Variants in RASGEF1A observed in about 807,000 individuals in gnomAD.
The protein encoded by RASGEF1A is RasGEF domain family member 1A.
Under a neutral mutation model 56.4 loss-of-function variants are expected in RASGEF1A, and 18 were observed. The ratio of observed to expected loss-of-function variants is 0.32; its 90% CI spans 0.22 to 0.47. The LOEUF (loss-of-function observed/expected upper bound fraction) is 0.47, where lower values mean the gene tolerates loss of function less well. Ranked by LOEUF, RASGEF1A falls within the 20% of genes least tolerant of loss-of-function variation. The probability of loss-of-function intolerance (pLI) is 1.00; values close to 1 mark genes in which losing one functional copy is unlikely to be tolerated. For missense variants in RASGEF1A, 422 were observed against 627.1 expected (o/e 0.67, Z 3.49); for synonymous variants, 245 against 242.6 (o/e 1.01, Z -0.09).
At chr10:43,238,484 G>A (rs1399158741) in intron 1 of RASGEF1A, among the ~76,000 whole-genome samples, 1 of 152,194 alleles carries the variant, frequency 6.6e-6, no homozygotes, top group East Asian at 1.9e-4. Context: ...TAAGTTTAGT[G>A]GGGGAAAGCC....
In RASGEF1A at chr10:43,208,745, C is replaced by A. The variant is rs995114394; in HGVS notation, c.-6-2623G>T. On this transcript the variant is annotated intron_variant, in intron 1 of 12. Transcript: ENST00000395810. ...GCAGGTCTGGGGGATGCCCCATGAG[C>A]CCCTACCCCCGAAAGCTCAAACCTA... The A allele has an allele frequency of 1.6e-5, 16 of 985,454 alleles. No individual in the cohort carries two copies. The South Asian group carries it at 3.8e-4, about 23-fold the overall frequency. 61.0% of individuals were successfully genotyped at this position (985,454 alleles called of 1,614,324 possible).
intron 1 of RASGEF1A, among the ~76,000 whole-genome samples, chr10:43,254,330 G>A (rs1055358721): frequency 4.6e-5 from 7 of 152,210 alleles, no homozygotes; most frequent in African/African-American, 7.2e-5. Flanking sequence ...CAGTGCTGGC[G>A]GCCTCCACTT....
At chr10:43,208,912 T>G (rs1179269143) in intron 1 of RASGEF1A, 1 of 985,482 alleles carries the variant, frequency 1.0e-6, no homozygotes, top group African/African-American at 1.7e-5. Context: ...TGTTCCTGGG[T>G]GCATCTGGCC....
rs138513005 is a variant in RASGEF1A at position 43,221,312 on chromosome 10, G to A, written c.-6-15190C>T. On this transcript the variant is annotated intron_variant, in intron 1 of 12. Coordinates refer to ENST00000395810, the MANE Select transcript of RASGEF1A (RefSeq NM_145313.4). ...CCATGAATTTGTAAGCATTTAATTG[G>A]CTGCTGAGTCATCCTGAAACCTCCC... is the stretch of plus-strand genomic sequence containing the variant. Among the ~76,000 whole-genome samples, 390 of 152,296 alleles carry A rather than the reference G, an allele frequency of 2.6e-3. 2 individuals carry two copies. Among genetic ancestry groups the A allele is most frequent in the African/African-American group, 8.4e-3 (350 of 41,560 alleles).
Position 43,196,561 on chromosome 10 carries a change from A to G in RASGEF1A, c.1349-13T>C. ...GCGACGAAGAGAGCTGAGAGATGGGAAAGTCCCTCAGAGCCTGTGTCCCCA... is the reference window on the plus strand; with the variant it reads ...GCGACGAAGAGAGCTGAGAGATGGGGAAGTCCCTCAGAGCCTGTGTCCCCA... On this transcript the variant is annotated splice_polypyrimidine_tract_variant and intron_variant, in intron 11 of 12. Coordinates refer to ENST00000395810, the MANE Select transcript of RASGEF1A (RefSeq NM_145313.4). This position sits in a 1 kb window ranked among gnomAD's most constrained non-coding sequence, Gnocchi z 4.6. 6.2e-7 allele frequency: 1 copy of G among 1,611,934 alleles called. No homozygotes were observed. The highest frequency in any genetic ancestry group is 8.5e-7 in the Non-Finnish European group (1 of 1,179,312).
chr10:43,207,680 T>C lies in RASGEF1A; in HGVS notation c.-6-1558A>G, dbSNP rs80076864. The C allele has an allele frequency of 7.4e-3, 7,314 of 985,474 alleles. 238 individuals are homozygous for C. In the East Asian group the frequency reaches 0.094, roughly 13 times the overall value. The allele number at this position is 985,474 out of a possible 1,614,324, so 61.0% of individuals were successfully genotyped here. A position where few individuals can be genotyped will look rare whatever the true frequency, so the allele number is the denominator to read the frequency against. On this transcript the variant is annotated intron_variant, in intron 1 of 12. Coordinates refer to ENST00000395810, the MANE Select transcript of RASGEF1A (RefSeq NM_145313.4). The stretch of plus-strand genomic sequence containing the variant: ...TGGCTCAGACTCATACAATGCTCCC[T>C]TCAAACTCAGGCCAGCAGCGGTGCC...
chr10:43,209,376 G>T (rs541613675), intron 1 of RASGEF1A, among the ~76,000 whole-genome samples: 16 of 152,194 alleles, frequency 1.1e-4, no homozygotes, highest in Non-Finnish European at 2.1e-4. Flanking sequence ...CAAGCAGCAG[G>T]GGTAGGCAGG....
chr10:43,196,585 C>T lies in RASGEF1A; in HGVS notation c.1349-37G>A, dbSNP rs767923718. 1.9e-6 allele frequency: 3 copies of T among 1,584,014 alleles called. No individual in the cohort carries two copies. The South Asian group carries it at 3.3e-5, about 17-fold the overall frequency. ...GAAAGTCCCTCAGAGCCTGTGTCCC[C>T]ATGCAGTGTCTGCCTGAACCCAGCT... On this transcript the variant is annotated intron_variant, in intron 11 of 12. Coordinates refer to ENST00000395810, the MANE Select transcript of RASGEF1A (RefSeq NM_145313.4). The surrounding 1 kb of genome is among the most constrained non-coding windows in gnomAD (Gnocchi z 4.6).
intron 1 of RASGEF1A, among the ~76,000 whole-genome samples, chr10:43,249,157 T>C (rs1840598797): frequency 6.6e-6 from 1 of 152,162 alleles, no homozygotes; most frequent in Non-Finnish European, 1.5e-5. Flanking sequence ...CCTGTGTCCA[T>C]CTGAGGAGCA....
intron 9 of RASGEF1A, 81 bp downstream of exon 9, chr10:43,198,852 C>G: frequency 7.6e-7 from 1 of 1,309,362 alleles, no homozygotes; most frequent in Non-Finnish European, 1.1e-6. Flanking sequence ...AGCCCCCCAC[C>G]CCCACTGTCA....
intron 1 of RASGEF1A, among the ~76,000 whole-genome samples, chr10:43,218,494 T>C (rs1840165420): frequency 6.6e-6 from 1 of 152,222 alleles, no homozygotes; most frequent in South Asian, 2.1e-4. Flanking sequence ...TCTCAACCCT[T>C]GTTCCCTCTG....
chr10:43,253,631 C>T (rs1218597544), intron 1 of RASGEF1A, among the ~76,000 whole-genome samples: 1 of 152,210 alleles, frequency 6.6e-6, no homozygotes, highest in Non-Finnish European at 1.5e-5. Context: ...GAGCCTCACA[C>T]AAGGCCCAGA....
intron 1 of RASGEF1A, among the ~76,000 whole-genome samples, chr10:43,231,836 TG>T (rs1221811238): frequency 2.6e-5 from 4 of 152,238 alleles, no homozygotes; most frequent in African/African-American, 9.6e-5. Context: ...CAGGGAGGGC[TG>T]GTGGGCCCTG....
At chr10:43,238,997 G>GGT in intron 1 of RASGEF1A, among the ~76,000 whole-genome samples, 1 of 152,306 alleles carries the variant, frequency 6.6e-6, no homozygotes, top group East Asian at 1.9e-4. Context: ...TCGAAGAAGG[G>GGT]GTATTATTCA....
intron 1 of RASGEF1A, among the ~76,000 whole-genome samples, chr10:43,234,901 C>T (rs994747245): frequency 1.3e-5 from 2 of 152,212 alleles, no homozygotes; most frequent in African/African-American, 4.8e-5. Context: ...GCCTCCTGCA[C>T]ACACAGCCAC....
intron 1 of RASGEF1A, among the ~76,000 whole-genome samples, chr10:43,225,259 G>GGA (rs1401215794): frequency 3.3e-5 from 3 of 90,544 alleles, no homozygotes; most frequent in African/African-American, 1.3e-4. Context: ...GGGGTCTGTG[G>GGA]GGGGGGGGTC....
intron 1 of RASGEF1A, among the ~76,000 whole-genome samples, chr10:43,242,863 C>T (rs965787879): frequency 7.2e-5 from 11 of 152,174 alleles, no homozygotes; most frequent in Non-Finnish European, 1.3e-4. Context: ...AGTGCAGTGG[C>T]GTGATCTCGG....
chr10:43,265,258 G>A (rs113958673), intron 1 of RASGEF1A, among the ~76,000 whole-genome samples: 4 of 152,354 alleles, frequency 2.6e-5, no homozygotes, highest in African/African-American at 9.6e-5. Context: ...CTGGCAGCTC[G>A]AAGATGCCTC....
intron 1 of RASGEF1A, among the ~76,000 whole-genome samples, chr10:43,246,050 T>A (rs146548835): frequency 1.3e-5 from 2 of 151,992 alleles, no homozygotes; most frequent in Non-Finnish European, 2.9e-5. Context: ...CTATTAGAAC[T>A]AATAAATAAA....
Sources: allele counts gnomAD v4.1 joint callset (sites outside exome capture counted in the v4.1 genomes callset), GRCh38; gene constraint gnomAD v4.1.1; non-coding constraint Gnocchi (gnomAD v3.1); transcripts MANE v1.5; gene names NCBI Gene and HGNC (gene_info 2026-07-23, HGNC 2026-07-21).